The following HECTD2 variants were observed in gnomAD, a reference collection of about 807,000 sequenced individuals.
The protein encoded by HECTD2 is probable E3 ubiquitin-protein ligase HECTD2.
A neutral mutation model predicts 103.2 loss-of-function variants in HECTD2; 35 were observed. The ratio of observed to expected loss-of-function variants is 0.34; its 90% CI spans 0.26 to 0.45. The LOEUF (loss-of-function observed/expected upper bound fraction) is 0.45. Ranked by LOEUF, HECTD2 falls within the 20% of genes least tolerant of loss-of-function variation. The probability of loss-of-function intolerance (pLI) is 1.00; values close to 1 mark genes in which losing one functional copy is unlikely to be tolerated. For synonymous variants in HECTD2, 281 were observed against 329.9 expected (o/e 0.85, Z 1.61); for missense variants, 596 against 937.4 (o/e 0.64, Z 4.76).
At position 91,412,455 on chromosome 10, in the gene HECTD2, G is replaced by GTT. The variant is rs111999349; in HGVS notation, c.138+1890_138+1891dup. On this transcript the variant is annotated intron_variant, in intron 1 of 20. Transcript: ENST00000298068. ...AAGGATAAATATACAAAACTTGAGG[G>GTT]TTTTTTTTTTTTCTTTTTGAGACGG... Among the ~76,000 whole-genome samples, 232 of 145,440 alleles carry GTT rather than the reference G, an allele frequency of 1.6e-3. 1 individual carries two copies. Among genetic ancestry groups the GTT allele is most frequent in the African/African-American group, 5.4e-3 (216 of 39,804 alleles).
At position 91,445,978 on chromosome 10, in the gene HECTD2, C is replaced by T. The variant is rs145436805; in HGVS notation, c.269-14449C>T. Among the ~76,000 whole-genome samples, 84 of 151,982 alleles carry T rather than the reference C, an allele frequency of 5.5e-4. 3 individuals carry two copies. The East Asian group carries it at 0.014, about 26-fold the overall frequency. On this transcript the variant is annotated intron_variant, in intron 2 of 20. Transcript: ENST00000298068. ...GGTGGCCATTTGAGCAGACACCGAACTTGCTGCAGGAATTTTTTTTTTTAT... is the reference window on the plus strand; with the variant it reads ...GGTGGCCATTTGAGCAGACACCGAATTTGCTGCAGGAATTTTTTTTTTTAT...
chr10:91,476,494 G>A (rs924078139), intron 5 of HECTD2, among the ~76,000 whole-genome samples: 1 of 152,170 alleles, frequency 6.6e-6, no homozygotes, highest in African/African-American at 2.4e-5. Context: ...CATTGAGCCA[G>A]ACTAAGAAGC....
At chr10:91,494,465 A>G (rs1846594076) in intron 14 of HECTD2, among the ~76,000 whole-genome samples, 1 of 152,060 alleles carries the variant, frequency 6.6e-6, no homozygotes, top group Non-Finnish European at 1.5e-5. Context: ...AGTTATGGAA[A>G]ATACCATCAG....
intron 20 of HECTD2, among the ~76,000 whole-genome samples, chr10:91,511,429 T>A (rs1298995201): frequency 2.6e-5 from 4 of 152,208 alleles, no homozygotes; most frequent in Non-Finnish European, 5.9e-5. Flanking sequence ...TTCATTATAT[T>A]ATCTACTCCT....
chr10:91,425,303 G>C lies in HECTD2; in HGVS notation c.161G>C (p.Gly54Ala). ...CAGGGTTTGGACAGAGGAGCCAAAGGCCAAATTTCCACTTTCAGCAGTTTT... is the reference window on the plus strand; with the variant it reads ...CAGGGTTTGGACAGAGGAGCCAAAGCCCAAATTTCCACTTTCAGCAGTTTT... The part of the protein sequence containing the change: ...ATAGLDRGAK[G>A]QISTFSSFIS... Residue 54 changes from glycine (G) to alanine (A), a missense_variant, in exon 2 of 21, where the codon GGC becomes GCC. This residue lies in a region of HECTD2 where 220 missense variants were observed against 233.9 expected (regional missense o/e 0.94). Transcript: ENST00000298068. 6.5e-7 allele frequency: 1 copy of C among 1,544,374 alleles called. No individual in the cohort carries two copies. Among genetic ancestry groups the C allele is most frequent in the Non-Finnish European group, 8.8e-7 (1 of 1,139,132 alleles).
chr10:91,439,962 T>C (rs921422334), intron 2 of HECTD2, among the ~76,000 whole-genome samples: 1 of 152,198 alleles, frequency 6.6e-6, no homozygotes, highest in African/African-American at 2.4e-5. Flanking sequence ...AAGTTGCATA[T>C]CAGCTTAAGG....
intron 5 of HECTD2, among the ~76,000 whole-genome samples, chr10:91,474,198 G>A (rs1289135440): frequency 1.3e-5 from 2 of 152,124 alleles, no homozygotes; most frequent in Non-Finnish European, 1.5e-5. Flanking sequence ...TAACTGGAGA[G>A]TAGGGGAATG....
At chr10:91,495,566 C>T (rs888391853) in intron 14 of HECTD2, among the ~76,000 whole-genome samples, 3 of 151,930 alleles carry the variant, frequency 2.0e-5, no homozygotes, top group Non-Finnish European at 2.9e-5. Context: ...CCTCTCTTTC[C>T]ATAAATGGAT....
Position 91,492,499 on chromosome 10 carries a change from T to C in HECTD2, c.1432+15T>C, listed in dbSNP as rs1325501914. ...TCCAGATTATGGTAAGTATGTAATCTAATTTTTATAAACTGTGTTTCTTCA... is the reference window on the plus strand; with the variant it reads ...TCCAGATTATGGTAAGTATGTAATCCAATTTTTATAAACTGTGTTTCTTCA... On this transcript the variant is annotated intron_variant, in intron 13 of 20. Coordinates refer to ENST00000298068, the MANE Select transcript of HECTD2 (RefSeq NM_182765.6). The C allele has an allele frequency of 6.4e-7, 1 of 1,571,188 alleles. No individual in the cohort carries two copies. Among genetic ancestry groups the C allele is most frequent in the African/African-American group, 1.4e-5 (1 of 73,612 alleles).
chr10:91,496,176 T>A (rs752071577), intron 14 of HECTD2, 38 bp from the exon 15 acceptor site: 3 of 1,489,254 alleles, frequency 2.0e-6, no homozygotes, highest in Non-Finnish European at 2.7e-6. Flanking sequence ...TTTGTTGTCA[T>A]GGATTTTATG....
intron 2 of HECTD2, among the ~76,000 whole-genome samples, chr10:91,454,792 T>TG (rs1845002375): frequency 6.6e-6 from 1 of 152,042 alleles, no homozygotes; most frequent in Non-Finnish European, 1.5e-5. Flanking sequence ...ATTGTTCAAT[T>TG]TCCACCTGTG....
chr10:91,477,975 T>C (rs1282900882), intron 5 of HECTD2, among the ~76,000 whole-genome samples: 1 of 152,188 alleles, frequency 6.6e-6, no homozygotes, highest in Non-Finnish European at 1.5e-5. Flanking sequence ...ACCATATATG[T>C]TTGTGCATGT....
At chr10:91,428,355 T>A (rs1589467790) in intron 2 of HECTD2, among the ~76,000 whole-genome samples, 1 of 151,108 alleles carries the variant, frequency 6.6e-6, no homozygotes, top group East Asian at 1.9e-4. Flanking sequence ...GACTTGGCGA[T>A]GCGGGCTCTT....
rs1350293714 is a variant in HECTD2, at chr10:91,460,580, T to C, written c.407+15T>C. ...AAAGACTTTCAGTAAGTTTCAGCTA[T>C]TATATGTAAATGTATAGTCATCTGC... On this transcript the variant is annotated intron_variant, in intron 3 of 20. Transcript: ENST00000298068. The C allele has an allele frequency of 6.2e-7, 1 of 1,601,994 alleles. No homozygotes were observed. Among genetic ancestry groups the C allele is most frequent in the South Asian group, 1.1e-5 (1 of 87,902 alleles).
At chr10:91,424,794 A>G (rs891984701) in intron 1 of HECTD2, among the ~76,000 whole-genome samples, 5 of 152,082 alleles carry the variant, frequency 3.3e-5, no homozygotes, top group Admixed American at 3.3e-4. Context: ...CATAAACTCT[A>G]AAGGGTTATC....
intron 1 of HECTD2, among the ~76,000 whole-genome samples, chr10:91,416,783 G>C (rs1002095826): frequency 1.3e-5 from 2 of 152,140 alleles, no homozygotes; most frequent in African/African-American, 2.4e-5. Context: ...TCAAGCCTCA[G>C]GCCCTGTATG....
At chr10:91,481,688 C>T (rs12242663) in intron 7 of HECTD2, among the ~76,000 whole-genome samples, 20,252 of 151,284 alleles carry the variant, frequency 0.13, 3,082 homozygotes, top group African/African-American at 0.38. Flanking sequence ...AATTAAGATC[C>T]AGACAAATGA....
chr10:91,461,320 G>A lies in HECTD2; in HGVS notation c.474G>A (p.Thr158=), dbSNP rs7920604. 0.073 allele frequency: 112,502 copies of A among 1,541,000 alleles called. 14,168 individuals carry two copies. Among genetic ancestry groups the A allele is most frequent in the African/African-American group, 0.58 (40,434 of 69,200 alleles). Residue 158 remains threonine, a synonymous_variant, in exon 4 of 21, where the codon ACG becomes ACA. Coordinates refer to ENST00000298068, the MANE Select transcript of HECTD2 (RefSeq NM_182765.6). The part of the protein sequence containing the change: ...WKAVHDFYLT[T]FDSFPELNAA... ...CAGTACATGATTTTTATCTAACAAC[G>A]TTTGATTCTTTCCCAGAATTAAATG... is the stretch of plus-strand genomic sequence containing the variant.
chr10:91,419,231 G>A (rs867203800), intron 1 of HECTD2, among the ~76,000 whole-genome samples: 4 of 152,136 alleles, frequency 2.6e-5, no homozygotes, highest in South Asian at 2.1e-4. Flanking sequence ...ATTCAGAAGC[G>A]ATGATGGAAA....
Sources: allele counts gnomAD v4.1 joint callset (sites outside exome capture counted in the v4.1 genomes callset), GRCh38; gene constraint gnomAD v4.1.1; regional missense constraint gnomAD v4.1.1; transcripts MANE v1.5; gene names NCBI Gene and HGNC (gene_info 2026-07-23, HGNC 2026-07-21).